Variants in IKZF2 observed in about 807,000 individuals in gnomAD.
IKZF2 encodes the protein zinc finger protein Helios.
Under a neutral mutation model 49.2 loss-of-function variants are expected in IKZF2, and 15 were observed. The ratio of observed to expected loss-of-function variants is 0.30; its 90% confidence interval spans 0.20 to 0.47. IKZF2 has a LOEUF of 0.47. Ranked by LOEUF, IKZF2 falls within the 20% of genes least tolerant of loss-of-function variation. IKZF2 has a pLI of 1.00. For synonymous variants in IKZF2, 227 were observed against 221.4 expected (o/e 1.03, Z -0.23); for missense variants, 567 against 664.6 (o/e 0.85, Z 1.61).
intron 6 of IKZF2, among the ~76,000 whole-genome samples, chr2:213,026,142 C>G (rs553493727): frequency 6.6e-6 from 1 of 152,202 alleles, no homozygotes; most frequent in Admixed American, 6.6e-5. Context: ...CCACTCCTAC[C>G]CCAGGCCCCA....
At chr2:213,072,059 T>A (rs1559235691) in intron 4 of IKZF2, among the ~76,000 whole-genome samples, 1 of 152,120 alleles carries the variant, frequency 6.6e-6, no homozygotes. Context: ...AATTTCTTCA[T>A]GCTGATAATA....
Position 213,147,782 on chromosome 2 carries a change from T to A in IKZF2, c.65A>T (p.His22Leu), listed in dbSNP as rs776436617. ...GGTGAGGTCAATTGCCATATTGGAG[T>A]GCTCCCTTTCGGGTGAAAGCTCATT... is the stretch of plus-strand genomic sequence containing the variant. Reference protein sequence around the residue: ...CDNELSPEREHSNMAIDLTSS... With the variant: ...CDNELSPERELSNMAIDLTSS... The change falls in exon 4 of 9, where the codon CAC becomes CTC. Residue 22 changes from histidine (H) to leucine (L), a missense_variant. This residue lies in a region of IKZF2 where 156 missense variants were observed against 138.5 expected (regional missense o/e 1.13). Coordinates refer to ENST00000434687, the MANE Select transcript of IKZF2 (RefSeq NM_001387220.1). The A allele has an allele frequency of 1.2e-6, 2 of 1,613,876 alleles. No homozygotes were observed. Among genetic ancestry groups the A allele is most frequent in the Middle Eastern group, 1.6e-4 (1 of 6,062 alleles).
At chr2:213,045,954 T>A (rs1027688694) in intron 6 of IKZF2, among the ~76,000 whole-genome samples, 3 of 152,304 alleles carry the variant, frequency 2.0e-5, no homozygotes, top group Non-Finnish European at 4.4e-5. Context: ...TACTTTTGAC[T>A]CTAAGATTCA....
At chr2:213,151,710 C>G (rs1246521800), upstream of IKZF2, 1 of 147,508 alleles carries the variant, frequency 6.8e-6, no homozygotes, top group South Asian at 1.8e-4. Flanking sequence ...GGGCGGAGGG[C>G]GGGCTGGCGG....
intron 4 of IKZF2, among the ~76,000 whole-genome samples, chr2:213,058,469 T>C (rs1435628514): frequency 2.0e-5 from 3 of 151,984 alleles, no homozygotes; most frequent in Non-Finnish European, 1.5e-5. Flanking sequence ...TTATCTTTTT[T>C]TTCCTGGATA....
chr2:213,106,104 AT>A (rs1378786528), intron 4 of IKZF2, among the ~76,000 whole-genome samples: 2 of 152,202 alleles, frequency 1.3e-5, no homozygotes, highest in Admixed American at 1.3e-4. Flanking sequence ...AACTGTCTTT[AT>A]TTAAATTGTC....
At chr2:213,089,827 G>C (rs149846857) in intron 4 of IKZF2, among the ~76,000 whole-genome samples, 1 of 152,222 alleles carries the variant, frequency 6.6e-6, no homozygotes, top group Non-Finnish European at 1.5e-5. Flanking sequence ...TGGACTCCTT[G>C]CCTGAGATTA....
At chr2:213,143,003 A>T (rs2060925377) in intron 4 of IKZF2, among the ~76,000 whole-genome samples, 1 of 152,030 alleles carries the variant, frequency 6.6e-6, no homozygotes, top group Admixed American at 6.6e-5. Context: ...CAACAGGCCA[A>T]CAAATACATT....
At chr2:213,104,467 T>C (rs2059456397) in intron 4 of IKZF2, among the ~76,000 whole-genome samples, 2 of 152,172 alleles carry the variant, frequency 1.3e-5, no homozygotes, top group Admixed American at 6.5e-5. Flanking sequence ...TCTTCCAATC[T>C]TGTACTACTT....
Position 213,007,906 on chromosome 2 carries a change from A to G in IKZF2, c.1035T>C (p.Ala345=). Residue 345 remains alanine (A), a synonymous_variant, in exon 9 of 9, where the codon GCT becomes GCC. Coordinates refer to ENST00000434687, the MANE Select transcript of IKZF2 (RefSeq NM_001387220.1). ...PLMQHPPSTI[A]EVAPVISSAY... ...CTGAGCTTATAACTGGGGCCACTTC[A>G]GCGATTGTGCTTGGCGGGTGCTGCA... is the stretch of plus-strand genomic sequence containing the variant. 6.2e-7 allele frequency: 1 copy of G among 1,613,594 alleles called. No individual in the cohort carries two copies. Among genetic ancestry groups the G allele is most frequent in the Non-Finnish European group, 8.5e-7 (1 of 1,179,756 alleles).
In IKZF2 at chr2:213,060,032, C is replaced by T. The variant is rs532489927; in HGVS notation, c.140-2933G>A. On this transcript the variant is annotated intron_variant, in intron 4 of 8. Transcript: ENST00000434687. ...AAAGTGCAACACATTTTAATATACG[C>T]ATGTCATACATTAAATTTTGCATTT... Among the ~76,000 whole-genome samples, 104 of 151,342 alleles carry T rather than the reference C, an allele frequency of 6.9e-4. 1 individual carries two copies. The highest frequency in any genetic ancestry group is 2.4e-3 in the African/African-American group (99 of 41,450).
intron 5 of IKZF2, among the ~76,000 whole-genome samples, chr2:213,055,920 AG>A: frequency 1.3e-5 from 2 of 152,274 alleles, no homozygotes; most frequent in Admixed American, 1.3e-4. Context: ...TGAGAATATT[AG>A]TTATTAATAT....
At chr2:213,040,947 G>A (rs988692520) in intron 6 of IKZF2, among the ~76,000 whole-genome samples, 3 of 151,888 alleles carry the variant, frequency 2.0e-5, no homozygotes, top group Non-Finnish European at 4.4e-5. Context: ...GTGAAACCCC[G>A]TCTCTACTAA....
chr2:213,071,025 T>C lies in IKZF2; in HGVS notation c.140-13926A>G, dbSNP rs925613537. 6.6e-5 allele frequency among the ~76,000 whole-genome samples: 10 copies of C among 152,148 alleles called. No homozygotes were observed. In the East Asian group the frequency reaches 9.6e-4, roughly 15 times the overall value. The stretch of plus-strand genomic sequence containing the variant: ...TAGCCATTTAATTACCAAACAAATC[T>C]TTCCAATAAGTATTAGTTTCATTTT... On this transcript the variant is annotated intron_variant, in intron 4 of 8. Transcript: ENST00000434687.
intron 7 of IKZF2, among the ~76,000 whole-genome samples, chr2:213,017,337 T>G (rs1696721810): frequency 6.6e-6 from 1 of 152,160 alleles, no homozygotes; most frequent in African/African-American, 2.4e-5. Flanking sequence ...GATCTATATA[T>G]TTAACATCTT....
chr2:213,091,676 C>A (rs1441442006), intron 4 of IKZF2, among the ~76,000 whole-genome samples: 1 of 152,040 alleles, frequency 6.6e-6, no homozygotes, highest in East Asian at 1.9e-4. Context: ...GAGATCAAGG[C>A]TGGATTTATG....
chr2:213,072,664 ATT>A, intron 4 of IKZF2, among the ~76,000 whole-genome samples: 1 of 152,230 alleles, frequency 6.6e-6, no homozygotes, highest in East Asian at 1.9e-4. Flanking sequence ...GACCATATTT[ATT>A]TGTTTCCCCA....
intron 4 of IKZF2, among the ~76,000 whole-genome samples, chr2:213,068,304 T>C (rs1008222373): frequency 6.6e-6 from 1 of 152,118 alleles, no homozygotes; most frequent in African/African-American, 2.4e-5. Flanking sequence ...AACTGGGTTT[T>C]ATTTCTTCTA....
intron 4 of IKZF2, among the ~76,000 whole-genome samples, chr2:213,082,152 T>C (rs1251576994): frequency 2.0e-5 from 3 of 152,198 alleles, no homozygotes; most frequent in Admixed American, 6.5e-5. Flanking sequence ...CTAGTTTTGT[T>C]CTATACATTG....
Sources: gnomAD v4.1 joint callset for allele counts (sites outside exome capture counted in the v4.1 genomes callset) on GRCh38, gnomAD v4.1.1 for gene constraint, gnomAD v4.1.1 regional missense constraint, MANE v1.5 for transcripts, NCBI Gene and HGNC (gene_info 2026-07-23, HGNC 2026-07-21) for gene names.